Variants in LAMA2 observed in about 807,000 individuals in gnomAD.
LAMA2 encodes the protein laminin subunit alpha-2.
LAMA2 carries 269 observed loss-of-function variants against 364.8 expected under a neutral mutation model. That is an observed-to-expected ratio of 0.74 (90% CI 0.67 to 0.82). The LOEUF (loss-of-function observed/expected upper bound fraction) is 0.82. Among genes scored for constraint, LAMA2 ranks in the 40% least tolerant of loss-of-function variants. LAMA2 has a pLI of 0.00. For synonymous variants in LAMA2, 1,379 were observed against 1,370.6 expected (o/e 1.01, Z -0.14); for missense variants, 3,807 against 3,873.2 (o/e 0.98, Z 0.45).
At chr6:129,369,131 A>G (rs1339757541) in intron 33 of LAMA2, among the ~76,000 whole-genome samples, 1 of 152,194 alleles carries the variant, frequency 6.6e-6, no homozygotes, top group Admixed American at 6.5e-5. Flanking sequence ...GGAAGGAAGA[A>G]CAGAGGGAGG....
intron 1 of LAMA2, among the ~76,000 whole-genome samples, chr6:128,953,621 G>T (rs1780973862): frequency 8.4e-6 from 1 of 119,024 alleles, no homozygotes; most frequent in Admixed American, 7.6e-5. Context: ...GTGTGTGTGT[G>T]TGTGAATGTA....
intron 34 of LAMA2, among the ~76,000 whole-genome samples, chr6:129,381,565 G>A (rs17743386): frequency 0.017 from 2,661 of 152,176 alleles, 39 homozygotes; most frequent in Non-Finnish European, 0.03. Context: ...GTGCAAACAC[G>A]TGCAGGAAGC....
chr6:129,405,289 C>A (rs1361863628), intron 40 of LAMA2, among the ~76,000 whole-genome samples: 2 of 152,046 alleles, frequency 1.3e-5, no homozygotes, highest in Non-Finnish European at 2.9e-5. Flanking sequence ...TGTTCATAAT[C>A]TTTTATACCA....
chr6:129,217,466 G>A (rs1328344061), intron 12 of LAMA2, among the ~76,000 whole-genome samples: 2 of 152,138 alleles, frequency 1.3e-5, no homozygotes, highest in Non-Finnish European at 2.9e-5. Flanking sequence ...AGAGAAATCA[G>A]TGTCAACAGG....
At chr6:129,171,252 G>A (rs1162778747) in intron 9 of LAMA2, among the ~76,000 whole-genome samples, 1 of 152,160 alleles carries the variant, frequency 6.6e-6, no homozygotes, top group African/African-American at 2.4e-5. Flanking sequence ...GTTAGTTGAT[G>A]CAGTTTCTTC....
chr6:129,048,913 C>A (rs867834579), intron 1 of LAMA2, among the ~76,000 whole-genome samples: 1 of 152,072 alleles, frequency 6.6e-6, no homozygotes, highest in Middle Eastern at 3.4e-3. Context: ...CCACACCCGG[C>A]GAGGAATGAC....
chr6:129,008,844 A>G (rs1784589578), intron 1 of LAMA2, among the ~76,000 whole-genome samples: 1 of 152,204 alleles, frequency 6.6e-6, no homozygotes, highest in Non-Finnish European at 1.5e-5. Context: ...CGATTCACAC[A>G]GCATCAACTT....
chr6:129,150,971 T>C (rs905488790), intron 7 of LAMA2, among the ~76,000 whole-genome samples: 3 of 152,222 alleles, frequency 2.0e-5, no homozygotes, highest in African/African-American at 7.2e-5. Flanking sequence ...TAAGGCAAGA[T>C]AATATCTCTA....
At chr6:129,102,984 C>T (rs906055441) in intron 4 of LAMA2, among the ~76,000 whole-genome samples, 1 of 152,180 alleles carries the variant, frequency 6.6e-6, no homozygotes, top group African/African-American at 2.4e-5. Flanking sequence ...CCATGCAGTC[C>T]TGGAATCCAA....
chr6:129,284,406 A>G (rs181649435), intron 18 of LAMA2, among the ~76,000 whole-genome samples: 10 of 152,172 alleles, frequency 6.6e-5, no homozygotes, highest in Admixed American at 2.0e-4. Flanking sequence ...TAGCATTTGC[A>G]TATCTCCAGT....
chr6:129,200,917 A>G (rs1008114097), intron 12 of LAMA2, among the ~76,000 whole-genome samples: 1 of 152,196 alleles, frequency 6.6e-6, no homozygotes, highest in African/African-American at 2.4e-5. Context: ...TTATACATAA[A>G]AATAAACTCC....
chr6:129,433,812 A>G (rs1210716752), intron 41 of LAMA2, among the ~76,000 whole-genome samples: 2 of 152,154 alleles, frequency 1.3e-5, no homozygotes, highest in African/African-American at 4.8e-5. Context: ...TATAATAAAA[A>G]CTGGTAAAAC....
At chr6:129,074,720 A>AT (rs1773520934) in intron 3 of LAMA2, among the ~76,000 whole-genome samples, 1 of 152,234 alleles carries the variant, frequency 6.6e-6, no homozygotes, top group Non-Finnish European at 1.5e-5. Flanking sequence ...AATGTTCTGA[A>AT]TTATTGCTTC....
chr6:128,887,637 G>A (rs985803486), intron 1 of LAMA2, among the ~76,000 whole-genome samples: 6 of 152,082 alleles, frequency 3.9e-5, no homozygotes, highest in Non-Finnish European at 7.4e-5. Flanking sequence ...GGGAGGCCTA[G>A]GTGGGTGGAT....
chr6:129,108,080 GT>G (rs1491484967), intron 4 of LAMA2, among the ~76,000 whole-genome samples: 1 of 83,890 alleles, frequency 1.2e-5, no homozygotes, highest in African/African-American at 7.2e-5. Flanking sequence ...TATCTAATAG[GT>G]TTTTTTAACC....
intron 4 of LAMA2, among the ~76,000 whole-genome samples, chr6:129,125,200 G>A (rs1777041343): frequency 6.6e-6 from 1 of 152,190 alleles, no homozygotes; most frequent in South Asian, 2.1e-4. Flanking sequence ...ATGAGTTGGG[G>A]AAGACTGTGG....
chr6:129,495,617 G>A (rs1357134863), intron 58 of LAMA2, among the ~76,000 whole-genome samples: 1 of 152,090 alleles, frequency 6.6e-6, no homozygotes. Context: ...CATCCTCCAG[G>A]CAGGTCTCTC....
intron 12 of LAMA2, among the ~76,000 whole-genome samples, chr6:129,219,737 A>G (rs1583277031): frequency 7.4e-6 from 1 of 135,374 alleles, no homozygotes; most frequent in African/African-American, 2.7e-5. Context: ...ACAAAAAAAC[A>G]AACACCACAT....
intron 32 of LAMA2, among the ~76,000 whole-genome samples, chr6:129,362,664 A>G (rs1258209976): frequency 6.6e-6 from 1 of 152,244 alleles, no homozygotes; most frequent in Non-Finnish European, 1.5e-5. Context: ...GGAAGAAAGA[A>G]TATATAAATA....
Sources: allele counts gnomAD v4.1 joint callset (sites outside exome capture counted in the v4.1 genomes callset), GRCh38; gene constraint gnomAD v4.1.1; transcripts MANE v1.5; gene names NCBI Gene and HGNC (gene_info 2026-07-23, HGNC 2026-07-21).